UNC5D: variants seen among roughly 807,000 people sequenced by gnomAD.
The protein encoded by UNC5D is netrin receptor UNC5D.
Under a neutral mutation model 105.4 loss-of-function variants are expected in UNC5D, and 39 were observed. That is an observed-to-expected ratio of 0.37 (90% CI 0.29 to 0.48). The LOEUF (loss-of-function observed/expected upper bound fraction) is 0.48, where lower values mean the gene tolerates loss of function less well. Ranked by LOEUF, UNC5D falls within the 20% of genes least tolerant of loss-of-function variation. The pLI, the probability that UNC5D is intolerant of heterozygous loss-of-function variation, is 0.98. For synonymous variants in UNC5D, 452 were observed against 450.4 expected, an observed-to-expected ratio of 1.00 and a Z score of -0.04; for missense variants, 991 against 1,202.4, an observed-to-expected ratio of 0.82 and a Z score of 2.60.
chr8:35,348,256 T>C (rs1343644783), intron 1 of UNC5D, among the ~76,000 whole-genome samples: 2 of 151,922 alleles, frequency 1.3e-5, no homozygotes, highest in African/African-American at 4.8e-5. Flanking sequence ...TATTAGTCTG[T>C]AATTTGCCTT....
intron 1 of UNC5D, among the ~76,000 whole-genome samples, chr8:35,460,294 T>TTA (rs1808799773): frequency 6.6e-6 from 1 of 152,000 alleles, no homozygotes; most frequent in African/African-American, 2.4e-5. Context: ...CTAGAAGAGG[T>TTA]TATAATCTCC....
intron 1 of UNC5D, among the ~76,000 whole-genome samples, chr8:35,243,248 A>T (rs1178128584): frequency 6.6e-6 from 1 of 152,220 alleles, no homozygotes; most frequent in African/African-American, 2.4e-5. Flanking sequence ...TTAAAATGCC[A>T]ATTGAAGAGT....
intron 1 of UNC5D, among the ~76,000 whole-genome samples, chr8:35,361,032 G>A (rs1398634019): frequency 6.6e-6 from 1 of 152,094 alleles, no homozygotes; most frequent in Admixed American, 6.5e-5. Flanking sequence ...CATTTTTGAA[G>A]AAGGAAAATA....
At chr8:35,522,740 T>G (rs1324765048) in intron 1 of UNC5D, among the ~76,000 whole-genome samples, 2 of 152,232 alleles carry the variant, frequency 1.3e-5, no homozygotes, top group African/African-American at 4.8e-5. Flanking sequence ...TGAAACTGGA[T>G]GATCTCTACT....
rs1302491483 is a variant in UNC5D, at chr8:35,794,276, GTC to G, written c.*3717_*3718del. On this transcript the variant is annotated 3_prime_UTR_variant, in exon 17 of 17. Coordinates refer to ENST00000404895, the MANE Select transcript of UNC5D (RefSeq NM_080872.4). ...TATTGAAGGCAAAGTTCTCGCAGAG[GTC>G]TCTGTTCCAGCTCTGTAAAGGTCAC... 6.6e-6 allele frequency: 1 copy of G among 152,150 alleles called. No individual in the cohort carries two copies. Among genetic ancestry groups the G allele is most frequent in the Non-Finnish European group, 1.5e-5 (1 of 68,018 alleles). The allele number at this position is 152,150 out of a possible 1,614,324, so 9.4% of individuals were successfully genotyped here.
At position 35,795,724 on chromosome 8, in the gene UNC5D, C is replaced by G. The variant is rs933423278; in HGVS notation, c.*5161C>G. 1 of 152,178 alleles carries G rather than the reference C, an allele frequency of 6.6e-6. No homozygotes were observed. Among genetic ancestry groups the G allele is most frequent in the Non-Finnish European group, 1.5e-5 (1 of 68,036 alleles). The allele number at this position is 152,178 out of a possible 1,614,324, so 9.4% of individuals were successfully genotyped here. A position where few individuals can be genotyped will look rare whatever the true frequency, so the allele number is the denominator to read the frequency against. ...ATGGCTAGATTATGTAGGTCACTAC[C>G]ATTCAAAACTTTTCTATACAAAGGT... On this transcript the variant is annotated 3_prime_UTR_variant, in exon 17 of 17. Transcript: ENST00000404895.
chr8:35,368,324 T>G (rs554569332), intron 1 of UNC5D, among the ~76,000 whole-genome samples: 25 of 151,658 alleles, frequency 1.6e-4, no homozygotes, highest in South Asian at 1.4e-3. Context: ...CCCCGACACA[T>G]GTGCACACAT....
chr8:35,422,714 G>A (rs912298832), intron 1 of UNC5D, among the ~76,000 whole-genome samples: 4 of 152,264 alleles, frequency 2.6e-5, no homozygotes, highest in South Asian at 2.1e-4. Flanking sequence ...GACTATTATC[G>A]TTTATTGAAT....
At chr8:35,647,731 TC>T (rs1461048890) in intron 4 of UNC5D, among the ~76,000 whole-genome samples, 1 of 152,192 alleles carries the variant, frequency 6.6e-6, no homozygotes, top group Non-Finnish European at 1.5e-5. Context: ...TGCCAGCACT[TC>T]CTGGTTAATT....
intron 1 of UNC5D, among the ~76,000 whole-genome samples, chr8:35,466,168 C>T (rs2129741275): frequency 1.3e-5 from 2 of 152,202 alleles, no homozygotes; most frequent in South Asian, 4.1e-4. Flanking sequence ...ATGCTTTTTC[C>T]TCATGCTGAT....
At chr8:35,724,425 G>GC in intron 9 of UNC5D, 1 of 987,920 alleles carries the variant, frequency 1.0e-6, no homozygotes, top group Non-Finnish European at 1.4e-6. Context: ...TGAACACTGA[G>GC]CCTTTTAAAT....
chr8:35,471,981 G>A (rs1475827620), intron 1 of UNC5D, among the ~76,000 whole-genome samples: 1 of 151,486 alleles, frequency 6.6e-6, no homozygotes, highest in Non-Finnish European at 1.5e-5. Flanking sequence ...ATCAGTACTA[G>A]ACAGGTAAAA....
intron 1 of UNC5D, among the ~76,000 whole-genome samples, chr8:35,543,075 T>A (rs994298861): frequency 1.3e-5 from 2 of 152,210 alleles, no homozygotes; most frequent in Admixed American, 1.3e-4. Context: ...TCACCCAAGG[T>A]CACAGAGTTA....
chr8:35,501,485 C>G (rs553221531), intron 1 of UNC5D, among the ~76,000 whole-genome samples: 2 of 152,368 alleles, frequency 1.3e-5, no homozygotes, highest in East Asian at 3.9e-4. Flanking sequence ...CTATAAGCTC[C>G]TCTTGGAGGG....
intron 1 of UNC5D, among the ~76,000 whole-genome samples, chr8:35,411,523 A>C (rs1805166312): frequency 1.3e-5 from 2 of 152,034 alleles, no homozygotes; most frequent in African/African-American, 4.8e-5. Flanking sequence ...GCTCACACAT[A>C]GTAGACACTT....
At chr8:35,568,281 A>C in intron 3 of UNC5D, 40 bp downstream of exon 3, 1 of 1,606,362 alleles carries the variant, frequency 6.2e-7, no homozygotes, top group South Asian at 1.1e-5. Context: ...TAGGACCACA[A>C]ATGAGAGTTA....
chr8:35,309,520 T>C (rs900958236), intron 1 of UNC5D, among the ~76,000 whole-genome samples: 1 of 152,200 alleles, frequency 6.6e-6, no homozygotes, highest in Admixed American at 6.5e-5. Flanking sequence ...ATGTGAATAT[T>C]AGTTAAGTGT....
intron 16 of UNC5D, among the ~76,000 whole-genome samples, chr8:35,786,226 T>C (rs778199872): frequency 1.4e-4 from 22 of 152,208 alleles, no homozygotes; most frequent in African/African-American, 5.3e-4. Context: ...TCTATGTATA[T>C]ATTAAAATTA....
At chr8:35,436,888 T>A (rs1392184518) in intron 1 of UNC5D, among the ~76,000 whole-genome samples, 1 of 152,120 alleles carries the variant, frequency 6.6e-6, no homozygotes, top group East Asian at 1.9e-4. Flanking sequence ...AATTGCTATA[T>A]GATTCTATAT....
Sources: gnomAD v4.1 joint callset for allele counts (sites outside exome capture counted in the v4.1 genomes callset) on GRCh38, gnomAD v4.1.1 for gene constraint, MANE v1.5 for transcripts, NCBI Gene and HGNC (gene_info 2026-07-23, HGNC 2026-07-21) for gene names.